GSE1: variants seen among roughly 807,000 people sequenced by gnomAD.
The protein encoded by GSE1 is Gse1 coiled-coil protein, also known as genetic suppressor element 1.
In GSE1, 32 loss-of-function variants were observed where a neutral mutation model predicts 112.6. That is an observed-to-expected ratio of 0.28 (90% confidence interval 0.21 to 0.38). The LOEUF (loss-of-function observed/expected upper bound fraction) is 0.38, where lower values mean the gene tolerates loss of function less well. Among genes scored for constraint, GSE1 ranks in the 10% least tolerant of loss-of-function variants. The pLI is 1.00. For synonymous variants in GSE1, 1,115 were observed against 735.6 expected, an observed-to-expected ratio of 1.52 and a Z score of -8.35; for missense variants, 2,348 against 1,699.2, an observed-to-expected ratio of 1.38 and a Z score of -6.71.
intron 1 of GSE1, among the ~76,000 whole-genome samples, chr16:85,252,818 C>G (rs1012306340): frequency 6.6e-6 from 1 of 152,236 alleles, no homozygotes; most frequent in Non-Finnish European, 1.5e-5. Flanking sequence ...CCTGTCCTTG[C>G]AGGCTCTGTA....
intron 2 of GSE1, among the ~76,000 whole-genome samples, chr16:85,507,132 C>T (rs142997738): frequency 9.4e-4 from 143 of 152,294 alleles, no homozygotes; most frequent in South Asian, 1.9e-3. Flanking sequence ...CAGCGGGCGT[C>T]GTCGACGCTC....
rs77206802 is a variant in GSE1 at position 85,247,914 on chromosome 16, C to G, written c.2283+76107C>G. ...CCCTTTCTGCAAGGAGGCCTGGGCT[C>G]TGCCAGATGGTGGCTTCCATCTTGT... On this transcript the variant is annotated intron_variant, in intron 1 of 2. Transcript: ENST00000637419. Among the ~76,000 whole-genome samples the G allele has an allele frequency of 6.2e-3, 944 of 152,372 alleles. 9 individuals are homozygous for G. Among genetic ancestry groups the G allele is most frequent in the African/African-American group, 0.021 (874 of 41,582 alleles).
chr16:85,594,563 A>G (rs2047142043), intron 1 of GSE1: 1 of 152,168 alleles, frequency 6.6e-6, no homozygotes, highest in African/African-American at 2.4e-5. Flanking sequence ...TCATTCAGCA[A>G]ACGCCCGTGG....
At chr16:85,670,394 G>C (rs1176431238) in intron 14 of GSE1, among the ~76,000 whole-genome samples, 1 of 150,882 alleles carries the variant, frequency 6.6e-6, no homozygotes, top group African/African-American at 2.4e-5. Flanking sequence ...TTTTTTTCTT[G>C]ATGTTGCTCC....
At chr16:85,326,321 G>A (rs1182389969) in intron 1 of GSE1, among the ~76,000 whole-genome samples, 6 of 152,200 alleles carry the variant, frequency 3.9e-5, no homozygotes, top group Non-Finnish European at 8.8e-5. Flanking sequence ...TAATTAACAT[G>A]TCTGTGCCTC....
chr16:85,465,753 A>G (rs568823720), intron 2 of GSE1, among the ~76,000 whole-genome samples: 1 of 152,246 alleles, frequency 6.6e-6, no homozygotes, highest in East Asian at 1.9e-4. Context: ...TTCTCTCCCT[A>G]TCAGACAGAC....
At chr16:85,185,575 C>T (rs1188337603) in intron 1 of GSE1, among the ~76,000 whole-genome samples, 2 of 152,246 alleles carry the variant, frequency 1.3e-5, no homozygotes, top group South Asian at 2.1e-4. Flanking sequence ...GAGCTCCTGG[C>T]GCCATCTCCC....
At chr16:85,337,050 A>C (rs1356339168) in intron 1 of GSE1, among the ~76,000 whole-genome samples, 1 of 152,224 alleles carries the variant, frequency 6.6e-6, no homozygotes, top group Admixed American at 6.5e-5. Context: ...GCACACTGAC[A>C]CATATGCACA....
chr16:85,557,541 G>C (rs1598173171), intron 1 of GSE1, among the ~76,000 whole-genome samples: 1 of 151,582 alleles, frequency 6.6e-6, no homozygotes, highest in African/African-American at 2.4e-5. Context: ...CTGGGGAAGG[G>C]TGCACGTGGC....
At chr16:85,267,302 C>G (rs1336486653) in intron 1 of GSE1, among the ~76,000 whole-genome samples, 2 of 151,372 alleles carry the variant, frequency 1.3e-5, no homozygotes, top group Non-Finnish European at 2.9e-5. Context: ...GCATATTTTC[C>G]GAAACCATAA....
chr16:85,189,167 T>C (rs2074772069), intron 1 of GSE1, among the ~76,000 whole-genome samples: 1 of 152,266 alleles, frequency 6.6e-6, no homozygotes, highest in African/African-American at 2.4e-5. Flanking sequence ...GGGAGCCTTC[T>C]TTGCTGGCTC....
At chr16:85,575,425 C>T (rs1284107918) in intron 1 of GSE1, among the ~76,000 whole-genome samples, 3 of 152,138 alleles carry the variant, frequency 2.0e-5, no homozygotes, top group Admixed American at 6.5e-5. Context: ...CACACAGACC[C>T]CTCCTTGCTT....
intron 1 of GSE1, among the ~76,000 whole-genome samples, chr16:85,207,243 C>T (rs552820184): frequency 3.9e-5 from 6 of 152,360 alleles, no homozygotes; most frequent in South Asian, 2.1e-4. Flanking sequence ...TTGCTCCTCT[C>T]GGCCAGAAGC....
In GSE1 at chr16:85,270,141, A is replaced by C. The variant is rs1382456122; in HGVS notation, c.2284-87322A>C. 2.7e-5 allele frequency among the ~76,000 whole-genome samples: 4 copies of C among 149,062 alleles called. 1 individual carries two copies. Among genetic ancestry groups the C allele is most frequent in the Non-Finnish European group, 6.0e-5 (4 of 66,136 alleles). On this transcript the variant is annotated intron_variant, in intron 1 of 2. Coordinates refer to the GSE1 transcript ENST00000637419. ...TCACTCCTCTGGGGTCACACTGGCC[A>C]GAAGGGACTGGACAGACGCTCAGTG...
At chr16:85,182,459 G>A (rs1056277490) in intron 1 of GSE1, among the ~76,000 whole-genome samples, 11 of 152,202 alleles carry the variant, frequency 7.2e-5, no homozygotes, top group African/African-American at 9.6e-5. Context: ...CCTGCAGGGG[G>A]GATCGCTGCT....
At chr16:85,363,675 T>A (rs2047128738) in intron 2 of GSE1, among the ~76,000 whole-genome samples, 1 of 152,202 alleles carries the variant, frequency 6.6e-6, no homozygotes, top group African/African-American at 2.4e-5. Flanking sequence ...AGCCTGATTT[T>A]CCCATGCTGT....
Position 85,295,170 on chromosome 16 carries a change from C to G in GSE1, c.2284-62293C>G, listed in dbSNP as rs1015561096. Among the ~76,000 whole-genome samples the G allele has an allele frequency of 2.6e-5, 4 of 152,210 alleles. 1 individual carries two copies. The highest frequency in any genetic ancestry group is 6.3e-3 in the Middle Eastern group (2 of 316). Reference sequence around the variant, plus strand: ...ACCCCAAAAGGAAACCCCACACTCACCCAGCGGTTACTCCATGCCCCGCTT... The same window carrying G: ...ACCCCAAAAGGAAACCCCACACTCAGCCAGCGGTTACTCCATGCCCCGCTT... On this transcript the variant is annotated intron_variant, in intron 1 of 2. Transcript: ENST00000637419.
intron 2 of GSE1, among the ~76,000 whole-genome samples, chr16:85,440,807 G>A (rs2049357586): frequency 6.6e-6 from 1 of 152,226 alleles, no homozygotes; most frequent in South Asian, 2.1e-4. Flanking sequence ...GGAAACTGTG[G>A]GCTGCAGTGA....
At chr16:85,430,553 G>A (rs2049095008) in intron 2 of GSE1, among the ~76,000 whole-genome samples, 1 of 152,240 alleles carries the variant, frequency 6.6e-6, no homozygotes, top group African/African-American at 2.4e-5. Context: ...CAGGCCAGGG[G>A]GCGGAGGGGT....
Sources: allele counts gnomAD v4.1 joint callset (sites outside exome capture counted in the v4.1 genomes callset), GRCh38; gene constraint gnomAD v4.1.1; transcripts MANE v1.5; gene names NCBI Gene and HGNC (gene_info 2026-07-23, HGNC 2026-07-21).